The following MACROD2 variants were observed in gnomAD, a reference collection of about 807,000 sequenced individuals.
MACROD2 encodes mono-ADP ribosylhydrolase 2.
MACROD2 carries 36 observed loss-of-function variants against 70.4 expected under a neutral mutation model. The ratio of observed to expected loss-of-function variants is 0.51; its 90% CI spans 0.39 to 0.68. MACROD2 has a LOEUF of 0.68. MACROD2 is among the 30% of genes least tolerant of loss of function. The pLI is 0.00. For missense variants in MACROD2, 496 were observed against 538.4 expected (o/e 0.92, Z 0.78); for synonymous variants, 172 against 178.8 (o/e 0.96, Z 0.30).
chr20:14,680,224 G>C (rs556088769), intron 4 of MACROD2, among the ~76,000 whole-genome samples: 1 of 152,190 alleles, frequency 6.6e-6, no homozygotes, highest in Non-Finnish European at 1.5e-5. Flanking sequence ...CCTTGGTTGA[G>C]TCTATGCATA....
At position 15,197,632 on chromosome 20, in the gene MACROD2, C is replaced by A. The variant is rs185660576; in HGVS notation, c.419-32308C>A. The stretch of plus-strand genomic sequence containing the variant: ...TTATTCTTTTTAATTTCCCTAAGTC[C>A]CCCAAATTAGTTTTTTGATATTTAC... On this transcript the variant is annotated intron_variant, in intron 5 of 17. Coordinates refer to ENST00000684519, the MANE Select transcript of MACROD2 (RefSeq NM_001351661.2). 1.9e-4 allele frequency among the ~76,000 whole-genome samples: 29 copies of A among 152,126 alleles called. No individual in the cohort carries two copies. In the East Asian group the frequency reaches 5.6e-3, roughly 29 times the overall value.
intron 10 of MACROD2, among the ~76,000 whole-genome samples, chr20:15,908,054 C>T (rs934937139): frequency 9.9e-5 from 15 of 152,170 alleles, no homozygotes; most frequent in Non-Finnish European, 2.1e-4. Flanking sequence ...AAATATATTG[C>T]ATATCTATTT....
intron 8 of MACROD2, among the ~76,000 whole-genome samples, chr20:15,714,143 A>G (rs993871654): frequency 2.0e-5 from 3 of 152,112 alleles, no homozygotes; most frequent in African/African-American, 7.2e-5. Flanking sequence ...AACCAACCAA[A>G]CAAGCAAACA....
chr20:15,732,389 A>G (rs1369444289), intron 8 of MACROD2, among the ~76,000 whole-genome samples: 2 of 152,194 alleles, frequency 1.3e-5, no homozygotes, highest in African/African-American at 2.4e-5. Context: ...TTCCTAGGAA[A>G]TGGAGCAATG....
chr20:14,817,917 G>A (rs2072791902), intron 5 of MACROD2, among the ~76,000 whole-genome samples: 1 of 152,106 alleles, frequency 6.6e-6, no homozygotes, highest in South Asian at 2.1e-4. Flanking sequence ...CTGAGCCAAT[G>A]AGAGGCGATG....
At chr20:15,195,402 C>A (rs1278105905) in intron 5 of MACROD2, among the ~76,000 whole-genome samples, 1 of 151,994 alleles carries the variant, frequency 6.6e-6, no homozygotes, top group Non-Finnish European at 1.5e-5. Context: ...TAAAACAACT[C>A]CATTAAAAAG....
intron 7 of MACROD2, among the ~76,000 whole-genome samples, chr20:15,441,937 G>A (rs1008778796): frequency 4.6e-5 from 7 of 152,142 alleles, no homozygotes; most frequent in African/African-American, 9.7e-5. Context: ...TATCTTTCAG[G>A]TACCTTGAAA....
At chr20:14,967,284 C>T (rs1158769964) in intron 5 of MACROD2, among the ~76,000 whole-genome samples, 1 of 152,106 alleles carries the variant, frequency 6.6e-6, no homozygotes, top group African/African-American at 2.4e-5. Flanking sequence ...CCTCCACCTC[C>T]CTGGATCAAG....
rs1452716654 is a variant in MACROD2 at position 15,101,789 on chromosome 20, T to C, written c.419-128151T>C. ...TTAGAAGATTATAAATATATAGATT[T>C]TCTAAAAGGTCTATCCAACATTGTA... is the stretch of plus-strand genomic sequence containing the variant. On this transcript the variant is annotated intron_variant, in intron 5 of 17. Transcript: ENST00000684519. 7.2e-5 allele frequency among the ~76,000 whole-genome samples: 11 copies of C among 152,124 alleles called. No individual in the cohort carries two copies. In the South Asian group the frequency reaches 1.4e-3, roughly 20 times the overall value.
intron 8 of MACROD2, among the ~76,000 whole-genome samples, chr20:15,639,293 G>A (rs1279331906): frequency 6.6e-6 from 1 of 152,200 alleles, no homozygotes; most frequent in Non-Finnish European, 1.5e-5. Flanking sequence ...GAGGGTTAGA[G>A]ACAGATTGAA....
intron 5 of MACROD2, among the ~76,000 whole-genome samples, chr20:14,749,998 C>T (rs925966239): frequency 3.9e-5 from 6 of 151,986 alleles, no homozygotes; most frequent in Non-Finnish European, 5.9e-5. Context: ...GATCTGTTTA[C>T]AAAAATATGA....
chr20:15,985,153 T>A (rs1473460059), intron 13 of MACROD2, among the ~76,000 whole-genome samples: 2 of 152,168 alleles, frequency 1.3e-5, no homozygotes, highest in Non-Finnish European at 2.9e-5. Flanking sequence ...TTTCTTGAAA[T>A]TTTTTAACAT....
chr20:14,530,301 G>T (rs996945833), intron 4 of MACROD2, among the ~76,000 whole-genome samples: 1 of 152,196 alleles, frequency 6.6e-6, no homozygotes, highest in Non-Finnish European at 1.5e-5. Context: ...CTCAGGGGAT[G>T]TGAGACCAAC....
At chr20:14,452,319 CAT>C (rs1319369430) in intron 3 of MACROD2, among the ~76,000 whole-genome samples, 1 of 151,954 alleles carries the variant, frequency 6.6e-6, no homozygotes, top group African/African-American at 2.4e-5. Flanking sequence ...AGATACATGA[CAT>C]AGAAACATCT....
Position 15,000,629 on chromosome 20 carries a change from C to CAAAAAAAA in MACROD2, c.419-229286_419-229279dup, listed in dbSNP as rs398040701. Among the ~76,000 whole-genome samples, 25 of 21,978 alleles carry CAAAAAAAA rather than the reference C, an allele frequency of 1.1e-3. 2 individuals are homozygous for CAAAAAAAA. The highest frequency in any genetic ancestry group is 3.8e-3 in the African/African-American group (16 of 4,160). 14.4% of individuals were successfully genotyped at this position (21,978 alleles called of 152,430 possible). ...TGGGCGACAGAGCGAGACTCCGTCT[C>CAAAAAAAA]AAAAAAAAAAAAAAAAAAAAAAAAA... On this transcript the variant is annotated intron_variant, in intron 5 of 17. Coordinates refer to ENST00000684519, the MANE Select transcript of MACROD2 (RefSeq NM_001351661.2).
chr20:14,240,036 A>T (rs562839051), intron 3 of MACROD2, among the ~76,000 whole-genome samples: 1 of 152,356 alleles, frequency 6.6e-6, no homozygotes, highest in African/African-American at 2.4e-5. Context: ...GACGTGAATA[A>T]ATACTTTTCT....
chr20:15,109,092 T>C (rs1212809853), intron 5 of MACROD2, among the ~76,000 whole-genome samples: 1 of 152,238 alleles, frequency 6.6e-6, no homozygotes, highest in Admixed American at 6.5e-5. Flanking sequence ...ATATTGCCTA[T>C]GGCTTCTTTT....
intron 5 of MACROD2, among the ~76,000 whole-genome samples, chr20:15,088,261 G>A (rs892280963): frequency 2.6e-5 from 4 of 151,590 alleles, no homozygotes; most frequent in Non-Finnish European, 4.4e-5. Flanking sequence ...CAATCTGAGT[G>A]TCTTTTGGTA....
At chr20:15,999,895 T>C (rs2066685632) in intron 15 of MACROD2, among the ~76,000 whole-genome samples, 1 of 152,208 alleles carries the variant, frequency 6.6e-6, no homozygotes, top group Non-Finnish European at 1.5e-5. Flanking sequence ...AATGAGAGCA[T>C]GCATAGCCTT....
Sources: allele counts gnomAD v4.1 joint callset (sites outside exome capture counted in the v4.1 genomes callset), GRCh38; gene constraint gnomAD v4.1.1; transcripts MANE v1.5; gene names NCBI Gene and HGNC (gene_info 2026-07-23, HGNC 2026-07-21).